Variants in INPP5A observed in about 807,000 individuals in gnomAD.
INPP5A encodes the protein 43 kDa inositol polyphosphate 5-phophatase.
In INPP5A, 14 loss-of-function variants were observed where a neutral mutation model predicts 65.2. That is an observed-to-expected ratio of 0.21 (90% CI 0.14 to 0.34). The LOEUF (loss-of-function observed/expected upper bound fraction) is 0.34. Among genes scored for constraint, INPP5A ranks in the 10% least tolerant of loss-of-function variants. The probability of loss-of-function intolerance (pLI) is 1.00; values close to 1 mark genes in which losing one functional copy is unlikely to be tolerated. For missense variants in INPP5A, 431 were observed against 545.6 expected (o/e 0.79, Z 2.09); for synonymous variants, 207 against 208.3 (o/e 0.99, Z 0.05).
At chr10:132,715,907 A>G (rs563236571) in intron 8 of INPP5A, among the ~76,000 whole-genome samples, 3 of 152,254 alleles carry the variant, frequency 2.0e-5, no homozygotes, top group African/African-American at 7.2e-5. Context: ...GTCCCTCCGC[A>G]TGCCCGGGAC....
rs2072371901 is a variant in INPP5A at position 132,637,496 on chromosome 10, C to T, written c.118-8372C>T. ...GGGTGTCCTTTGGGTCCCTGATCCT[C>T]CAAATGTTCCTCCTTCTCTGCCTGT... On this transcript the variant is annotated intron_variant, in intron 2 of 15. Coordinates refer to ENST00000368594, the MANE Select transcript of INPP5A (RefSeq NM_005539.5). The surrounding 1 kb of genome is among the most constrained non-coding windows in gnomAD (Gnocchi z 4.1). 6.6e-6 allele frequency among the ~76,000 whole-genome samples: 1 copy of T among 151,874 alleles called. No homozygotes were observed. The highest frequency in any genetic ancestry group is 1.5e-5 in the Non-Finnish European group (1 of 68,026).
At chr10:132,670,186 C>CCCCCCCTG (rs2072865503) in intron 4 of INPP5A, among the ~76,000 whole-genome samples, 1 of 122,672 alleles carries the variant, frequency 8.2e-6, no homozygotes, top group Admixed American at 8.1e-5. Context: ...CCTGACCCCA[C>CCCCCCCTG]ACCCCCTGAC....
chr10:132,708,365 G>T lies in INPP5A; in HGVS notation c.527G>T (p.Cys176Phe), dbSNP rs1444999045. The stretch of plus-strand genomic sequence containing the variant: ...CGGACGAGGTGGTGCATTGCAGACT[G>T]GTACGTGGTGTCTGTGCTTTGTCAA... ...FIRTRWCIAD[C>F]AFDLVNIHLF... The change falls in exon 7 of 16, where the codon TGT becomes TTT. Residue 176 changes from cysteine (C) to phenylalanine (F), a missense_variant and splice_region_variant. By Grantham distance (205) the Cys-to-Phe change is radical. Coordinates refer to ENST00000368594, the MANE Select transcript of INPP5A (RefSeq NM_005539.5). 8.1e-6 allele frequency: 13 copies of T among 1,613,648 alleles called. No individual in the cohort carries two copies. Among genetic ancestry groups the T allele is most frequent in the Admixed American group, 1.7e-5 (1 of 60,024 alleles).
At chr10:132,553,542 G>A (rs1383817290) in intron 1 of INPP5A, among the ~76,000 whole-genome samples, 6 of 144,524 alleles carry the variant, frequency 4.2e-5, no homozygotes, top group Non-Finnish European at 7.6e-5. Flanking sequence ...GGATAGGGAG[G>A]GAGGATTGGT....
intron 11 of INPP5A, among the ~76,000 whole-genome samples, chr10:132,755,390 A>G (rs1846580608): frequency 7.5e-6 from 1 of 133,282 alleles, no homozygotes. Context: ...GCGTGAGAGC[A>G]GGTGTGAGCG....
chr10:132,640,205 C>G (rs1005354946), intron 2 of INPP5A, among the ~76,000 whole-genome samples: 2 of 152,238 alleles, frequency 1.3e-5, no homozygotes, highest in African/African-American at 4.8e-5. Context: ...CGCATTCACC[C>G]TGATGAGGTA....
intron 4 of INPP5A, among the ~76,000 whole-genome samples, chr10:132,656,486 G>A (rs2072658328): frequency 1.3e-5 from 2 of 152,186 alleles, no homozygotes; most frequent in African/African-American, 4.8e-5. Flanking sequence ...CTCCTCGGAG[G>A]GTCCCCCCTG....
rs772641835 is a variant in INPP5A, at chr10:132,616,346, G to A, written c.117+8390G>A. On this transcript the variant is annotated intron_variant, in intron 2 of 15. Transcript: ENST00000368594. The surrounding 1 kb of genome is among the most constrained non-coding windows in gnomAD (Gnocchi z 4.9). Reference sequence around the variant, plus strand: ...GGCGTGCAGGGACGCCGTGGGCGTGGTGTGGGGCACGTGGCGTGCGGGGAC... The same window carrying A: ...GGCGTGCAGGGACGCCGTGGGCGTGATGTGGGGCACGTGGCGTGCGGGGAC... 9.2e-5 allele frequency among the ~76,000 whole-genome samples: 14 copies of A among 152,112 alleles called. No individual in the cohort carries two copies. The highest frequency in any genetic ancestry group is 1.8e-4 in the Non-Finnish European group (12 of 68,002).
chr10:132,742,600 A>G (rs1372408334), intron 9 of INPP5A, among the ~76,000 whole-genome samples: 1 of 152,098 alleles, frequency 6.6e-6, no homozygotes, highest in East Asian at 1.9e-4. Flanking sequence ...TGTTTTAGTC[A>G]TTGCTGTTCT....
In INPP5A at chr10:132,667,787, C is replaced by T. The variant is rs60717974; in HGVS notation, c.306+17282C>T. On this transcript the variant is annotated intron_variant, in intron 4 of 15. Coordinates refer to ENST00000368594, the MANE Select transcript of INPP5A (RefSeq NM_005539.5). ...TCCTCAGGGGGCCGTGTGCGCTGCC[C>T]GGCGCGAGCCGGAAGAGGGATGATA... Among the ~76,000 whole-genome samples, 488 of 152,046 alleles carry T rather than the reference C, an allele frequency of 3.2e-3. 2 individuals are homozygous for T. Among genetic ancestry groups the T allele is most frequent in the African/African-American group, 0.011 (451 of 41,442 alleles).
chr10:132,749,447 G>A, intron 9 of INPP5A, 70 bp from the exon 10 acceptor site: 2 of 1,378,768 alleles, frequency 1.5e-6, no homozygotes, highest in South Asian at 1.2e-5. Context: ...ACTGACTCGG[G>A]GTGTCGGGTG....
chr10:132,623,630 G>C (rs2072136494), intron 2 of INPP5A, among the ~76,000 whole-genome samples: 1 of 152,098 alleles, frequency 6.6e-6, no homozygotes. Context: ...ATTAATAAAA[G>C]AAAAGAATTG....
chr10:132,741,903 C>T lies in INPP5A; in HGVS notation c.733-7614C>T, dbSNP rs1014358623. ...GCAGCACCCACGAATGGCTTCTTTC[C>T]GAGATGTGGCCGTCCTCTGCAGAAA... On this transcript the variant is annotated intron_variant, in intron 9 of 15. Coordinates refer to ENST00000368594, the MANE Select transcript of INPP5A (RefSeq NM_005539.5). This position sits in a 1 kb window ranked among gnomAD's most constrained non-coding sequence, Gnocchi z 4.4. Among the ~76,000 whole-genome samples the T allele has an allele frequency of 3.9e-5, 6 of 152,144 alleles. No homozygotes were observed. The highest frequency in any genetic ancestry group is 1.4e-4 in the African/African-American group (6 of 41,416).
intron 13 of INPP5A, 97 bp from the exon 14 acceptor site, chr10:132,780,752 T>G (rs1359091101): frequency 1.4e-5 from 14 of 973,442 alleles, no homozygotes; most frequent in Non-Finnish European, 2.3e-5. Flanking sequence ...CCCATCTCTC[T>G]GCCCCCACAA....
chr10:132,585,830 C>T (rs967042512), intron 1 of INPP5A, among the ~76,000 whole-genome samples: 8 of 152,194 alleles, frequency 5.3e-5, no homozygotes, highest in African/African-American at 1.9e-4. Flanking sequence ...TCAGCGGCTG[C>T]CCTGCAGGTG....
intron 4 of INPP5A, among the ~76,000 whole-genome samples, chr10:132,665,199 A>C (rs1248890190): frequency 6.6e-6 from 1 of 152,180 alleles, no homozygotes; most frequent in Non-Finnish European, 1.5e-5. Flanking sequence ...AGGGGGACAG[A>C]CGGAGCACTT....
rs1035303994 is a variant in INPP5A at position 132,628,476 on chromosome 10, G to T, written c.118-17392G>T. Among the ~76,000 whole-genome samples, 21 of 150,500 alleles carry T rather than the reference G, an allele frequency of 1.4e-4. 3 individuals carry two copies. Among genetic ancestry groups the T allele is most frequent in the Admixed American group, 4.0e-4 (6 of 15,130 alleles). ...GTGCTCTGGTGGCGGGGGGGGGGGG[G>T]GGCGTGGCGTGGGGGACACGTAGAA... On this transcript the variant is annotated intron_variant, in intron 2 of 15. Coordinates refer to ENST00000368594, the MANE Select transcript of INPP5A (RefSeq NM_005539.5).
At chr10:132,667,766 CAG>C (rs920845631) in intron 4 of INPP5A, among the ~76,000 whole-genome samples, 13 of 152,002 alleles carry the variant, frequency 8.6e-5, no homozygotes, top group Non-Finnish European at 1.5e-4. Flanking sequence ...AAAGGGTCCT[CAG>C]GGGGCCGTGT....
At chr10:132,564,030 C>T (rs951686274) in intron 1 of INPP5A, among the ~76,000 whole-genome samples, 4 of 152,188 alleles carry the variant, frequency 2.6e-5, no homozygotes, top group Admixed American at 6.5e-5. Flanking sequence ...ATTTCGGCAT[C>T]TTTTAACCAC....
Sources: allele counts gnomAD v4.1 joint callset (sites outside exome capture counted in the v4.1 genomes callset), GRCh38; gene constraint gnomAD v4.1.1; non-coding constraint Gnocchi (gnomAD v3.1); transcripts MANE v1.5; gene names NCBI Gene and HGNC (gene_info 2026-07-23, HGNC 2026-07-21).